The following SYNE2 variants were observed in gnomAD, a reference collection of about 807,000 sequenced individuals.
SYNE2 encodes spectrin repeat containing nuclear envelope protein 2.
In SYNE2, 431 loss-of-function variants were observed where a neutral mutation model predicts 856.3. That is an observed-to-expected ratio of 0.50 (90% confidence interval 0.47 to 0.55). The LOEUF (loss-of-function observed/expected upper bound fraction) is 0.55, where lower values mean the gene tolerates loss of function less well. Among genes scored for constraint, SYNE2 ranks in the 20% least tolerant of loss-of-function variants. The pLI is 0.00. For synonymous variants in SYNE2, 2,923 were observed against 2,872.3 expected (o/e 1.02, Z -0.56); for missense variants, 8,129 against 8,023.2 (o/e 1.01, Z -0.50).
chr14:64,134,403 G>A (rs1178177010), intron 78 of SYNE2, among the ~76,000 whole-genome samples: 1 of 152,120 alleles, frequency 6.6e-6, no homozygotes, highest in Non-Finnish European at 1.5e-5. Context: ...TGGGGGAGAG[G>A]ACCTTGCTTG....
rs1279566148 is a variant in SYNE2, at chr14:64,085,831, A to AT, written c.11485-1832dup. On this transcript the variant is annotated intron_variant, in intron 57 of 115. Coordinates refer to ENST00000555002, the MANE Select transcript of SYNE2 (RefSeq NM_182914.3). Reference sequence around the variant, plus strand: ...ACTTCCTTTGTGAAGTATCTGTTCAATTTTTTTTGCCCATTTAAAAAATTG... The same window carrying AT: ...ACTTCCTTTGTGAAGTATCTGTTCAATTTTTTTTTGCCCATTTAAAAAATTG... Among the ~76,000 whole-genome samples the AT allele has an allele frequency of 1.1e-4, 16 of 151,884 alleles. No individual in the cohort carries two copies. The East Asian group carries it at 1.5e-3, about 15-fold the overall frequency.
At chr14:63,998,841 G>A (rs901124673) in intron 26 of SYNE2, 73 bp from the exon 27 acceptor site, 17 of 1,562,016 alleles carry the variant, frequency 1.1e-5, no homozygotes, top group Middle Eastern at 1.7e-4. Flanking sequence ...AGGATTACAG[G>A]TGTGAGCCAC....
chr14:64,225,542 A>G lies in SYNE2; in HGVS notation c.*16A>G. 2.5e-6 allele frequency: 4 copies of G among 1,611,964 alleles called. No homozygotes were observed. The highest frequency in any genetic ancestry group is 3.4e-6 in the Non-Finnish European group (4 of 1,178,598). The stretch of plus-strand genomic sequence containing the variant: ...CCCCACATAGAGGGCATAGCTGGCC[A>G]CAGTGCTACACCACCTGCCTGATTG... On this transcript the variant is annotated 3_prime_UTR_variant, in exon 116 of 116. Coordinates refer to ENST00000555002, the MANE Select transcript of SYNE2 (RefSeq NM_182914.3).
chr14:64,209,297 G>A (rs963198657), intron 101 of SYNE2, 131 bp from the exon 102 acceptor site: 106 of 1,438,884 alleles, frequency 7.4e-5, no homozygotes, highest in Middle Eastern at 5.7e-4. Flanking sequence ...AAGAAGTGGC[G>A]TCCCTCTTAT....
intron 79 of SYNE2, 87 bp downstream of exon 79, chr14:64,138,070 A>G (rs991034943): frequency 1.4e-6 from 2 of 1,455,600 alleles, no homozygotes; most frequent in Non-Finnish European, 1.9e-6. Flanking sequence ...TTTTACCTGC[A>G]ACCCACCTTA....
intron 71 of SYNE2, 51 bp from the exon 72 acceptor site, chr14:64,126,276 A>G (rs978572420): frequency 1.2e-5 from 18 of 1,535,232 alleles, no homozygotes; most frequent in Non-Finnish European, 1.4e-5. Context: ...ATATAGGTCT[A>G]GGAAGGCAAA....
chr14:63,870,516 T>A (rs1210239128), intron 1 of SYNE2, among the ~76,000 whole-genome samples: 1 of 130,156 alleles, frequency 7.7e-6, no homozygotes, highest in Non-Finnish European at 1.6e-5. Flanking sequence ...GCCCCTTGTG[T>A]ACTGCACCCT....
At chr14:64,022,674 A>C in intron 37 of SYNE2, 77 bp from the exon 38 acceptor site, 1 of 812,934 alleles carries the variant, frequency 1.2e-6, no homozygotes, top group Non-Finnish European at 2.1e-6. Flanking sequence ...ATGGGAAACA[A>C]GTTTCAAAAT....
chr14:63,931,577 G>T (rs951550036), intron 2 of SYNE2, among the ~76,000 whole-genome samples: 2 of 150,496 alleles, frequency 1.3e-5, no homozygotes, highest in Non-Finnish European at 3.0e-5. Context: ...AAGAAAGAAA[G>T]AAACAAAAAG....
At chr14:63,821,735 A>C (rs987760277) in intron 1 of SYNE2, among the ~76,000 whole-genome samples, 9 of 152,016 alleles carry the variant, frequency 5.9e-5, no homozygotes, top group African/African-American at 2.2e-4. Context: ...CCTAGGTGAC[A>C]GAGCAAGACT....
chr14:63,783,892 A>G (rs910171729), intron 1 of SYNE2, among the ~76,000 whole-genome samples: 4 of 152,196 alleles, frequency 2.6e-5, no homozygotes, highest in Non-Finnish European at 5.9e-5. Flanking sequence ...ATTCAATAGT[A>G]TGGTATCAAC....
rs1477048381 is a variant in SYNE2, at chr14:63,911,332, C to T, written c.79+2105C>T. On this transcript the variant is annotated intron_variant, in intron 2 of 115. Transcript: ENST00000555002. ...TCTGCTCTCTCTTAGGCTGAGATAA[C>T]GTGCTCCCTCCTCTGTTCTCCCGTA... 4.6e-5 allele frequency among the ~76,000 whole-genome samples: 7 copies of T among 152,176 alleles called. No individual in the cohort carries two copies. The East Asian group carries it at 1.2e-3, about 25-fold the overall frequency.
At chr14:64,080,042 A>ACCGT (rs2153611423) in intron 55 of SYNE2, among the ~76,000 whole-genome samples, 1 of 147,596 alleles carries the variant, frequency 6.8e-6, no homozygotes, top group African/African-American at 2.6e-5. Flanking sequence ...AGATTAAGAG[A>ACCGT]GCGTGTGTGT....
At chr14:63,867,446 C>T (rs919765037) in intron 1 of SYNE2, among the ~76,000 whole-genome samples, 3 of 151,786 alleles carry the variant, frequency 2.0e-5, no homozygotes, top group Admixed American at 6.6e-5. Flanking sequence ...GCCTGTAATC[C>T]CAGCACTTTG....
chr14:64,171,915 ATCT>A (rs2098413092), intron 94 of SYNE2, among the ~76,000 whole-genome samples: 1 of 152,080 alleles, frequency 6.6e-6, no homozygotes, highest in African/African-American at 2.4e-5. Context: ...CAGTGTTGCG[ATCT>A]TGGCTCACTG....
At position 63,814,745 on chromosome 14, in the gene SYNE2, CATATATATCCAT is replaced by C. The variant is rs1367734839; in HGVS notation, c.-304-37725_-304-37714del. ...CCATATATATATCCATATATATATCCATATATATCCATATATATATCCATATATATATCCATA... is the reference window on the plus strand; with the variant it reads ...CCATATATATATCCATATATATATCCATATATATCCATATATATATCCATA... On this transcript the variant is annotated intron_variant, in intron 1 of 23. Transcript: ENST00000674003. 3.2e-4 allele frequency among the ~76,000 whole-genome samples: 25 copies of C among 77,256 alleles called. 1 individual carries two copies. The highest frequency in any genetic ancestry group is 1.1e-3 in the East Asian group (3 of 2,842). 50.7% of individuals were successfully genotyped at this position (77,256 alleles called of 152,430 possible).
intron 80 of SYNE2, among the ~76,000 whole-genome samples, chr14:64,140,983 T>G (rs1240604021): frequency 6.6e-6 from 1 of 152,214 alleles, no homozygotes; most frequent in Non-Finnish European, 1.5e-5. Flanking sequence ...TGAAAGAATT[T>G]CTACATAGGA....
chr14:63,928,693 T>G lies in SYNE2; in HGVS notation c.80-11921T>G, dbSNP rs958469277. 2.0e-5 allele frequency among the ~76,000 whole-genome samples: 3 copies of G among 152,200 alleles called. No individual in the cohort carries two copies. In the East Asian group the frequency reaches 5.8e-4, roughly 29 times the overall value. On this transcript the variant is annotated intron_variant, in intron 2 of 115. Coordinates refer to ENST00000555002, the MANE Select transcript of SYNE2 (RefSeq NM_182914.3). The stretch of plus-strand genomic sequence containing the variant: ...TCTTTATTTATTTCTGTTTGTTATC[T>G]CCAAGAGAAACAATAGAAGAGGTGG...
In SYNE2 at chr14:63,944,278, TTATATATATATATATATATA is replaced by T. The variant is rs71123818; in HGVS notation, c.408+2146_408+2165del. Among the ~76,000 whole-genome samples, 15 of 144,054 alleles carry T rather than the reference TTATATATATATATATATATA, an allele frequency of 1.0e-4. 1 individual carries two copies. The highest frequency in any genetic ancestry group is 3.8e-4 in the African/African-American group (15 of 39,162). The allele number at this position is 144,054 out of a possible 152,430, so 94.5% of individuals were successfully genotyped here. On this transcript the variant is annotated intron_variant, in intron 6 of 115. Coordinates refer to ENST00000555002, the MANE Select transcript of SYNE2 (RefSeq NM_182914.3). ...CTCTGATGAACAGCTTTCTGAATTT[TTATATATATATATATATATA>T]TATATATATAAATAAATAAATGGAG... is the stretch of plus-strand genomic sequence containing the variant.
Sources: allele counts gnomAD v4.1 joint callset (sites outside exome capture counted in the v4.1 genomes callset), GRCh38; gene constraint gnomAD v4.1.1; transcripts MANE v1.5; gene names NCBI Gene and HGNC (gene_info 2026-07-23, HGNC 2026-07-21).